The following SH3RF3 variants were observed in gnomAD, a reference collection of about 807,000 sequenced individuals.
SH3RF3 encodes SH3 domain containing ring finger 3.
SH3RF3 carries 29 observed loss-of-function variants against 66.3 expected under a neutral mutation model. That is an observed-to-expected ratio of 0.44 (90% CI 0.33 to 0.60). The LOEUF (loss-of-function observed/expected upper bound fraction) is 0.60, where lower values mean the gene tolerates loss of function less well. Ranked by LOEUF, SH3RF3 falls within the 20% of genes least tolerant of loss-of-function variation. SH3RF3 has a pLI of 0.04. For synonymous variants in SH3RF3, 583 were observed against 532.0 expected (o/e 1.10, Z -1.32); for missense variants, 1,194 against 1,190.9 (o/e 1.00, Z -0.04).
chr2:109,371,112 G>A (rs1416691997), intron 2 of SH3RF3, among the ~76,000 whole-genome samples: 1 of 152,248 alleles, frequency 6.6e-6, no homozygotes, highest in Non-Finnish European at 1.5e-5. Flanking sequence ...GTGCTGGCTG[G>A]GTTCGGTGGC....
intron 1 of SH3RF3, among the ~76,000 whole-genome samples, chr2:109,302,797 G>A (rs910363584): frequency 6.6e-6 from 1 of 152,178 alleles, no homozygotes; most frequent in African/African-American, 2.4e-5. Flanking sequence ...GTTAAATAAG[G>A]TTATGCTGGA....
intron 1 of SH3RF3, among the ~76,000 whole-genome samples, chr2:109,235,937 G>A (rs540002194): frequency 5.1e-4 from 78 of 151,808 alleles, no homozygotes; most frequent in African/African-American, 1.8e-3. Flanking sequence ...TGTGGGGTTG[G>A]TTTCACCTTG....
intron 1 of SH3RF3, among the ~76,000 whole-genome samples, chr2:109,330,314 G>T (rs1205814752): frequency 6.6e-6 from 1 of 152,072 alleles, no homozygotes; most frequent in East Asian, 1.9e-4. Flanking sequence ...AAGAAAAGGG[G>T]CAAAATTCTT....
rs1676633128 is a variant in SH3RF3, at chr2:109,129,632, G to C, written c.92G>C (p.Arg31Pro). The C allele has an allele frequency of 2.5e-5, 37 of 1,493,276 alleles. No individual in the cohort carries two copies. Among genetic ancestry groups the C allele is most frequent in the Middle Eastern group, 2.2e-4 (1 of 4,614 alleles). 92.5% of individuals were successfully genotyped at this position (1,493,276 alleles called of 1,614,324 possible). A position where few individuals can be genotyped will look rare whatever the true frequency, so the allele number is the denominator to read the frequency against. Residue 31 changes from arginine to proline, a missense_variant, in exon 1 of 10, where the codon CGG becomes CCG. Transcript: ENST00000309415. ...EGDEDRPGER[R>P]RRRAAATAAG... ...GACGAGGACAGGCCAGGCGAGCGAC[G>C]GCGGCGTCGGGCGGCGGCCACCGCC...
chr2:109,436,356 C>T (rs114220493), intron 6 of SH3RF3, among the ~76,000 whole-genome samples: 3 of 152,188 alleles, frequency 2.0e-5, no homozygotes, highest in Admixed American at 6.5e-5. Context: ...CTGGAAACTT[C>T]GGAGTGAAAG....
At chr2:109,435,235 T>C (rs546033270) in intron 6 of SH3RF3, among the ~76,000 whole-genome samples, 1 of 152,276 alleles carries the variant, frequency 6.6e-6, no homozygotes, top group East Asian at 1.9e-4. Flanking sequence ...GTCCAATCCA[T>C]AGCTCAGCAC....
intron 1 of SH3RF3, among the ~76,000 whole-genome samples, chr2:109,145,622 A>G (rs1310615141): frequency 1.3e-5 from 2 of 152,178 alleles, no homozygotes; most frequent in Non-Finnish European, 2.9e-5. Context: ...TGCTATCGCC[A>G]TGCGTTTCTA....
intron 1 of SH3RF3, among the ~76,000 whole-genome samples, chr2:109,215,493 C>T (rs1679084770): frequency 6.6e-6 from 1 of 152,032 alleles, no homozygotes; most frequent in Non-Finnish European, 1.5e-5. Flanking sequence ...GTAGCCGGGC[C>T]CTGATTTCAG....
At chr2:109,318,525 C>T (rs1220016850) in intron 1 of SH3RF3, among the ~76,000 whole-genome samples, 2 of 152,280 alleles carry the variant, frequency 1.3e-5, no homozygotes, top group Non-Finnish European at 2.9e-5. Context: ...GTGGGATAAA[C>T]GCTGTGAGAG....
intron 1 of SH3RF3, among the ~76,000 whole-genome samples, chr2:109,347,348 G>T (rs1682733439): frequency 6.6e-6 from 1 of 152,038 alleles, no homozygotes; most frequent in Non-Finnish European, 1.5e-5. Context: ...GTGCCTCAGT[G>T]TCCCCATCTG....
At position 109,393,037 on chromosome 2, in the gene SH3RF3, T is replaced by C. The variant is rs552807530; in HGVS notation, c.946-5553T>C. Among the ~76,000 whole-genome samples the C allele has an allele frequency of 9.2e-5, 14 of 152,264 alleles. No individual in the cohort carries two copies. In the South Asian group the frequency reaches 1.9e-3, roughly 20 times the overall value. On this transcript the variant is annotated intron_variant, in intron 3 of 9. Transcript: ENST00000309415. ...TACAACTGGCAAGTGTTGATCGAAG[T>C]CCAGCCCAGCCCAGCCATCTTGCCT... is the stretch of plus-strand genomic sequence containing the variant.
chr2:109,261,482 G>A, intron 1 of SH3RF3, among the ~76,000 whole-genome samples: 1 of 152,204 alleles, frequency 6.6e-6, no homozygotes, highest in South Asian at 2.1e-4. Flanking sequence ...GGTGTCAGAC[G>A]TGTGTGAAAT....
intron 1 of SH3RF3, among the ~76,000 whole-genome samples, chr2:109,306,445 AG>A (rs1172969761): frequency 6.6e-6 from 1 of 152,216 alleles, no homozygotes; most frequent in African/African-American, 2.4e-5. Context: ...CCTTGCAGGC[AG>A]GCTGCACATA....
At chr2:109,130,183 G>T (rs1676655924) in intron 1 of SH3RF3, 70 bp downstream of exon 1, 60 of 1,233,536 alleles carry the variant, frequency 4.9e-5, no homozygotes, top group Non-Finnish European at 6.0e-5. Flanking sequence ...GGGCGTGGGG[G>T]GCAGTGATGA....
At chr2:109,298,117 G>A (rs1010941333) in intron 1 of SH3RF3, among the ~76,000 whole-genome samples, 1 of 152,200 alleles carries the variant, frequency 6.6e-6, no homozygotes, top group African/African-American at 2.4e-5. Flanking sequence ...GGGATGCAGA[G>A]GTGAATAGGG....
At chr2:109,190,099 GGAT>G (rs1405860792) in intron 1 of SH3RF3, among the ~76,000 whole-genome samples, 1 of 152,182 alleles carries the variant, frequency 6.6e-6, no homozygotes, top group Non-Finnish European at 1.5e-5. Context: ...TGATCATATG[GGAT>G]GATTCTGTGT....
chr2:109,143,718 C>A (rs1013161533), intron 1 of SH3RF3, among the ~76,000 whole-genome samples: 25 of 152,132 alleles, frequency 1.6e-4, no homozygotes, highest in African/African-American at 5.5e-4. Flanking sequence ...CGCACCACTG[C>A]ACTCCAGCCT....
At chr2:109,419,120 A>G (rs1676802870) in intron 4 of SH3RF3, among the ~76,000 whole-genome samples, 2 of 152,166 alleles carry the variant, frequency 1.3e-5, no homozygotes, top group Admixed American at 1.3e-4. Flanking sequence ...AATTTTCTTT[A>G]GGGATTAATC....
chr2:109,212,888 G>A (rs1014968611), intron 1 of SH3RF3, among the ~76,000 whole-genome samples: 3 of 152,158 alleles, frequency 2.0e-5, no homozygotes, highest in African/African-American at 4.8e-5. Context: ...ATCAGACACA[G>A]TCTTGGCTTT....
Sources: gnomAD v4.1 joint callset for allele counts (sites outside exome capture counted in the v4.1 genomes callset) on GRCh38, gnomAD v4.1.1 for gene constraint, MANE v1.5 for transcripts, NCBI Gene and HGNC (gene_info 2026-07-23, HGNC 2026-07-21) for gene names.